The following KALRN variants were observed in gnomAD, a reference collection of about 807,000 sequenced individuals.
The protein encoded by KALRN is kalirin.
KALRN carries 70 observed loss-of-function variants against 353.7 expected under a neutral mutation model. That is an observed-to-expected ratio of 0.20 (90% CI 0.16 to 0.24). The LOEUF is 0.24. Ranked by LOEUF, KALRN falls within the 10% of genes least tolerant of loss-of-function variation. The pLI is 1.00. For missense variants in KALRN, 2,791 were observed against 3,756.7 expected, an observed-to-expected ratio of 0.74 and a Z score of 6.72; for synonymous variants, 1,391 against 1,434.8, an observed-to-expected ratio of 0.97 and a Z score of 0.69.
chr3:124,703,110 A>G (rs1470067891), intron 57 of KALRN, among the ~76,000 whole-genome samples: 2 of 152,178 alleles, frequency 1.3e-5, no homozygotes, highest in Non-Finnish European at 2.9e-5. Flanking sequence ...TCTGATTAGC[A>G]TTTCTCAGTG....
chr3:124,179,210 G>A (rs189224114), intron 1 of KALRN, among the ~76,000 whole-genome samples: 17 of 152,172 alleles, frequency 1.1e-4, no homozygotes, highest in East Asian at 7.7e-4. Flanking sequence ...AACACGAATA[G>A]GTGTATGGCT....
chr3:124,312,954 G>GT (rs1012314140), intron 6 of KALRN, among the ~76,000 whole-genome samples: 37 of 152,332 alleles, frequency 2.4e-4, no homozygotes, highest in African/African-American at 8.4e-4. Context: ...GAACTATGAT[G>GT]TTAAGCATTT....
chr3:124,541,602 A>G (rs1239206021), intron 33 of KALRN, among the ~76,000 whole-genome samples: 1 of 150,960 alleles, frequency 6.6e-6, no homozygotes, highest in African/African-American at 2.4e-5. Flanking sequence ...GATAACCTGG[A>G]TCGGCCGGGC....
At chr3:124,595,960 TG>T (rs2076228428) in intron 34 of KALRN, among the ~76,000 whole-genome samples, 1 of 152,196 alleles carries the variant, frequency 6.6e-6, no homozygotes, top group South Asian at 2.1e-4. Flanking sequence ...ATTACGAACT[TG>T]GAATCAGGTG....
chr3:124,037,927 G>C (rs572764716), intron 1 of KALRN, among the ~76,000 whole-genome samples: 27 of 152,244 alleles, frequency 1.8e-4, no homozygotes, highest in South Asian at 6.2e-4. Flanking sequence ...GCATGGGGGG[G>C]GCGACTCAGG....
chr3:124,616,277 A>G (rs1369174315), intron 34 of KALRN, among the ~76,000 whole-genome samples: 1 of 152,226 alleles, frequency 6.6e-6, no homozygotes, highest in Non-Finnish European at 1.5e-5. Context: ...AGCCTGTTGC[A>G]GTTACCTTTG....
intron 45 of KALRN, among the ~76,000 whole-genome samples, chr3:124,664,370 T>TGCGCGCGCGCGC (rs1553719790): frequency 3.9e-5 from 5 of 129,564 alleles, no homozygotes; most frequent in Non-Finnish European, 5.0e-5. Context: ...TGTGTGTGTG[T>TGCGCGCGCGCGC]GCGCGCGCGC....
At chr3:124,065,931 G>A (rs1371806747) in intron 1 of KALRN, among the ~76,000 whole-genome samples, 1 of 152,166 alleles carries the variant, frequency 6.6e-6, no homozygotes, top group Non-Finnish European at 1.5e-5. Context: ...TAACTTTTCT[G>A]GAAGCCAGTC....
At chr3:124,513,239 C>T (rs1037323680) in intron 33 of KALRN, among the ~76,000 whole-genome samples, 1 of 152,110 alleles carries the variant, frequency 6.6e-6, no homozygotes, top group Non-Finnish European at 1.5e-5. Context: ...CCCAAAACCC[C>T]GCAGTCTAGA....
At chr3:124,405,385 C>G (rs964208139) in intron 13 of KALRN, among the ~76,000 whole-genome samples, 1 of 152,078 alleles carries the variant, frequency 6.6e-6, no homozygotes, top group Non-Finnish European at 1.5e-5. Context: ...GGTAAGGATG[C>G]AGTAGAAGGT....
At chr3:124,200,557 C>G (rs2075856736) in intron 1 of KALRN, among the ~76,000 whole-genome samples, 1 of 152,186 alleles carries the variant, frequency 6.6e-6, no homozygotes, top group African/African-American at 2.4e-5. Flanking sequence ...CTTTAAATAC[C>G]ATCACGTCGT....
At chr3:124,383,112 C>G (rs1343663537) in intron 10 of KALRN, among the ~76,000 whole-genome samples, 3 of 152,194 alleles carry the variant, frequency 2.0e-5, no homozygotes, top group Admixed American at 2.0e-4. Flanking sequence ...GTCTCACCAG[C>G]ATTGGAACGA....
intron 10 of KALRN, among the ~76,000 whole-genome samples, chr3:124,353,089 A>T (rs1181274215): frequency 6.6e-6 from 1 of 152,220 alleles, no homozygotes. Flanking sequence ...TAAGAGAAAG[A>T]ATCAATGATG....
intron 29 of KALRN, among the ~76,000 whole-genome samples, chr3:124,489,683 C>T: frequency 6.6e-6 from 1 of 152,182 alleles, no homozygotes; most frequent in East Asian, 1.9e-4. Flanking sequence ...TGTCCCTGAC[C>T]TATGCTCTGG....
chr3:124,364,342 C>A (rs2084395068), intron 10 of KALRN, among the ~76,000 whole-genome samples: 1 of 152,114 alleles, frequency 6.6e-6, no homozygotes, highest in South Asian at 2.1e-4. Flanking sequence ...GGGATGGGAG[C>A]CTGAACCTCA....
At chr3:124,690,643 C>T (rs1357426563) in intron 51 of KALRN, among the ~76,000 whole-genome samples, 12 of 152,188 alleles carry the variant, frequency 7.9e-5, no homozygotes, top group African/African-American at 1.2e-4. Context: ...CAAGAGCTCT[C>T]GGAGCCAGTC....
chr3:124,396,773 T>C (rs2090211036), intron 12 of KALRN, among the ~76,000 whole-genome samples: 1 of 152,226 alleles, frequency 6.6e-6, no homozygotes, highest in Non-Finnish European at 1.5e-5. Flanking sequence ...AAGGCAACAA[T>C]GTGGGTGATG....
chr3:124,585,492 C>G (rs1354807668), intron 34 of KALRN, among the ~76,000 whole-genome samples: 3 of 152,192 alleles, frequency 2.0e-5, no homozygotes, highest in Middle Eastern at 3.2e-3. Context: ...ACAACTCTCT[C>G]TGTGCCCAGT....
intron 34 of KALRN, among the ~76,000 whole-genome samples, chr3:124,579,615 G>A (rs113634322): frequency 9.9e-5 from 15 of 152,234 alleles, no homozygotes; most frequent in African/African-American, 3.1e-4. Context: ...TTAGGAAGAA[G>A]CCTCTCTAGC....
Sources: allele counts gnomAD v4.1 joint callset (sites outside exome capture counted in the v4.1 genomes callset), GRCh38; gene constraint gnomAD v4.1.1; transcripts MANE v1.5; gene names NCBI Gene and HGNC (gene_info 2026-07-23, HGNC 2026-07-21).